ZFAT: variants seen among roughly 807,000 people sequenced by gnomAD.
ZFAT encodes the protein zinc finger protein ZFAT.
In ZFAT, 64 loss-of-function variants were observed where a neutral mutation model predicts 117.7. The ratio of observed to expected loss-of-function variants is 0.54; its 90% CI spans 0.44 to 0.67. The LOEUF is 0.67. Among genes scored for constraint, ZFAT ranks in the 30% least tolerant of loss-of-function variants. The pLI is 0.00. For synonymous variants in ZFAT, 679 were observed against 615.0 expected (o/e 1.10, Z -1.54); for missense variants, 1,433 against 1,584.5 (o/e 0.90, Z 1.62).
chr8:134,528,646 C>T (rs1382842332), intron 12 of ZFAT, among the ~76,000 whole-genome samples: 4 of 152,228 alleles, frequency 2.6e-5, no homozygotes, highest in African/African-American at 9.6e-5. Context: ...CCTCTTATTG[C>T]TTCCTCTTCC....
chr8:134,804,517 C>G, the ZFAT span, among the ~76,000 whole-genome samples: 13 of 152,126 alleles, frequency 8.5e-5, no homozygotes, highest in African/African-American at 3.1e-4. Flanking sequence ...AGAACTTCCA[C>G]AGAATTTACA....
intron 1 of ZFAT, among the ~76,000 whole-genome samples, chr8:134,668,484 G>T (rs538850958): frequency 6.6e-6 from 1 of 152,326 alleles, no homozygotes; most frequent in South Asian, 2.1e-4. Context: ...CTAATACCCA[G>T]GCAAACAGGG....
chr8:134,766,852 G>A, the ZFAT span: 2 of 152,366 alleles, frequency 1.3e-5, no homozygotes, highest in Admixed American at 1.3e-4. Context: ...GGTTCCAGAG[G>A]CTATGCCTTT....
chr8:134,744,295 GT>G, the ZFAT span, among the ~76,000 whole-genome samples: 41,159 of 131,816 alleles, frequency 0.31, 5,626 homozygotes, highest in Non-Finnish European at 0.34. Context: ...GAGGCTAAGA[GT>G]TTTTTTTTTT....
chr8:134,519,115 C>G (rs1324413094), intron 13 of ZFAT, among the ~76,000 whole-genome samples: 1 of 152,036 alleles, frequency 6.6e-6, no homozygotes, highest in Non-Finnish European at 1.5e-5. Flanking sequence ...CTTACTCTTC[C>G]AAATGAACTT....
chr8:134,632,856 C>A (rs781186404), intron 3 of ZFAT, among the ~76,000 whole-genome samples: 1 of 152,076 alleles, frequency 6.6e-6, no homozygotes, highest in African/African-American at 2.4e-5. Context: ...CAAAAAAACA[C>A]AAATAACTAA....
At chr8:134,626,747 T>C (rs1011135730) in intron 3 of ZFAT, among the ~76,000 whole-genome samples, 1 of 152,260 alleles carries the variant, frequency 6.6e-6, no homozygotes, top group African/African-American at 2.4e-5. Flanking sequence ...GAGCTCCCCA[T>C]GGGCTCAAGG....
chr8:134,608,868 T>C lies in ZFAT; in HGVS notation c.646A>G (p.Ile216Val). The change falls in exon 5 of 16, where the codon ATT becomes GTT. Residue 216 changes from isoleucine (I) to valine (V), a missense_variant. By Grantham distance (29) the Ile-to-Val change is conservative. Transcript: ENST00000377838. ...GGGGGCCCAGCCTCCACTGGCACAA[T>C]CTTGGTAGCACCTGAGATTGATGCA... Reference protein sequence around the residue: ...AHEAIPGATKIVPVEAGPPET... With the variant: ...AHEAIPGATKVVPVEAGPPET... 6.2e-7 allele frequency: 1 copy of C among 1,605,910 alleles called. No individual in the cohort carries two copies. The highest frequency in any genetic ancestry group is 8.5e-7 in the Non-Finnish European group (1 of 1,177,206).
intron 9 of ZFAT, among the ~76,000 whole-genome samples, chr8:134,587,397 C>T (rs1157166808): frequency 6.6e-6 from 1 of 152,142 alleles, no homozygotes; most frequent in East Asian, 1.9e-4. Context: ...AACCACTGGT[C>T]TCTCTCTCCC....
chr8:134,610,873 G>C (rs920741590), intron 3 of ZFAT, among the ~76,000 whole-genome samples: 3 of 152,190 alleles, frequency 2.0e-5, no homozygotes, highest in Non-Finnish European at 4.4e-5. Context: ...CCATCACCTA[G>C]GCCCTGGGCG....
intron 13 of ZFAT, among the ~76,000 whole-genome samples, chr8:134,517,702 G>A (rs778653596): frequency 1.2e-4 from 18 of 152,078 alleles, no homozygotes; most frequent in South Asian, 2.1e-4. Flanking sequence ...TCATGCCTCC[G>A]TTGTCTCCTC....
At chr8:134,618,416 C>A (rs954378589) in intron 3 of ZFAT, among the ~76,000 whole-genome samples, 3 of 152,110 alleles carry the variant, frequency 2.0e-5, no homozygotes, top group Non-Finnish European at 4.4e-5. Context: ...GGGAGTCACA[C>A]CCCTGGTTTC....
At chr8:134,648,061 G>A (rs1286136874) in intron 2 of ZFAT, among the ~76,000 whole-genome samples, 1 of 151,730 alleles carries the variant, frequency 6.6e-6, no homozygotes, top group Non-Finnish European at 1.5e-5. Context: ...AAAAATAATG[G>A]TAGCTATGTG....
At chr8:134,782,990 TAC>T in the ZFAT span, among the ~76,000 whole-genome samples, 112 of 151,750 alleles carry the variant, frequency 7.4e-4, no homozygotes, top group African/African-American at 2.6e-3. Context: ...TATATATATA[TAC>T]ACACACACAC....
intron 1 of ZFAT, among the ~76,000 whole-genome samples, chr8:134,660,282 A>T (rs1394975215): frequency 6.6e-6 from 1 of 152,196 alleles, no homozygotes; most frequent in Non-Finnish European, 1.5e-5. Flanking sequence ...ATTTGACAGG[A>T]GTTATGTTTG....
chr8:134,610,634 A>C lies in ZFAT; in HGVS notation c.470T>G (p.Leu157Arg). The change falls in exon 4 of 16, where the codon CTA (leucine) becomes CGA (arginine). Residue 157 changes from leucine (L) to arginine (R), a missense_variant. Leu to Arg is a moderately radical substitution (Grantham distance 102). Coordinates refer to ENST00000377838, the MANE Select transcript of ZFAT (RefSeq NM_020863.4). ...GEAGNESDLE[L>R]EKKCKEDDRE... The stretch of plus-strand genomic sequence containing the variant: ...ATCATCTTCCTTACACTTCTTTTCT[A>C]GTTCAAGGTCAGACTCGTTACCTAA... 6.2e-7 allele frequency: 1 copy of C among 1,613,976 alleles called. No homozygotes were observed.
At chr8:134,565,606 G>T in intron 10 of ZFAT, 185 bp from the exon 11 acceptor site, 1 of 705,456 alleles carries the variant, frequency 1.4e-6, no homozygotes, top group Non-Finnish European at 2.5e-6. Context: ...ACAGGTGGGA[G>T]TGGAGAGGCA....
chr8:134,602,673 T>C lies in ZFAT; in HGVS notation c.1046A>G (p.His349Arg). ...GCGGCAGTGCTGCTTGATCTTCTTG[T>C]GCACTCGCTCGATGTGCACCTTGAG... Reference protein sequence around the residue: ...GHLKVHIERVHKKIKQHCRFC... With the variant: ...GHLKVHIERVRKKIKQHCRFC... The change falls in exon 6 of 16, where the codon CAC becomes CGC. Residue 349 changes from histidine (H) to arginine (R), a missense_variant. This residue lies in a region of ZFAT where 436 missense variants were observed against 482.0 expected (regional missense o/e 0.90). Coordinates refer to ENST00000377838, the MANE Select transcript of ZFAT (RefSeq NM_020863.4). 1 of 1,614,216 alleles carries C rather than the reference T, an allele frequency of 6.2e-7. No homozygotes were observed. Among genetic ancestry groups the C allele is most frequent in the Non-Finnish European group, 8.5e-7 (1 of 1,180,044 alleles).
rs759416037 is a variant in ZFAT, at chr8:134,602,244, C to T, written c.1475G>A (p.Ser492Asn). 3 of 1,613,752 alleles carry T rather than the reference C, an allele frequency of 1.9e-6. No individual in the cohort carries two copies. Among genetic ancestry groups the T allele is most frequent in the Non-Finnish European group, 2.5e-6 (3 of 1,180,024 alleles). The change falls in exon 6 of 16, where the codon AGT becomes AAT. Residue 492 changes from serine (S) to asparagine (N), a missense_variant. This residue lies in a region of ZFAT where 372 missense variants were observed against 355.6 expected (regional missense o/e 1.05). Coordinates refer to ENST00000377838, the MANE Select transcript of ZFAT (RefSeq NM_020863.4). ...GAAQEALVFTSSINQSFCLLE... is the reference protein window; with the variant it reads ...GAAQEALVFTNSINQSFCLLE... ...GAGGCAGAAGCTCTGGTTGATGGAA[C>T]TGGTGAAGACCAAGGCCTCCTGGGC... is the stretch of plus-strand genomic sequence containing the variant.
Sources: gnomAD v4.1 joint callset for allele counts (sites outside exome capture counted in the v4.1 genomes callset) on GRCh38, gnomAD v4.1.1 for gene constraint, gnomAD v4.1.1 regional missense constraint, MANE v1.5 for transcripts, NCBI Gene and HGNC (gene_info 2026-07-23, HGNC 2026-07-21) for gene names.